Variants in SLAMF1 observed in about 807,000 individuals in gnomAD.
SLAMF1 encodes signaling lymphocytic activation molecule.
SLAMF1 carries 18 observed loss-of-function variants against 35.1 expected under a neutral mutation model. The observed-to-expected ratio is 0.51, with a 90% CI of 0.35 to 0.76. SLAMF1 has a LOEUF of 0.76. Among genes scored for constraint, SLAMF1 ranks in the 30% least tolerant of loss-of-function variants. SLAMF1 has a pLI of 0.01. For missense variants in SLAMF1, 392 were observed against 413.0 expected (o/e 0.95, Z 0.44); for synonymous variants, 168 against 157.2 (o/e 1.07, Z -0.51).
intron 6 of SLAMF1, among the ~76,000 whole-genome samples, chr1:160,611,762 A>C (rs1216955772): frequency 6.6e-6 from 1 of 152,132 alleles, no homozygotes; most frequent in Non-Finnish European, 1.5e-5. Flanking sequence ...CTTAACACCT[A>C]TGCAGATCTC....
In SLAMF1 at chr1:160,642,679, A is replaced by T. The variant is rs1317451757; in HGVS notation, c.76+4191T>A. Among the ~76,000 whole-genome samples the T allele has an allele frequency of 6.6e-6, 1 of 152,242 alleles. No homozygotes were observed. Among genetic ancestry groups the T allele is most frequent in the South Asian group, 2.1e-4 (1 of 4,834 alleles). ...TCCAAGTTCTCCTCCCTCCAAAAGCAGAATGTACTCTGATTTGCCTTTATA... is the reference window on the plus strand; with the variant it reads ...TCCAAGTTCTCCTCCCTCCAAAAGCTGAATGTACTCTGATTTGCCTTTATA... On this transcript the variant is annotated intron_variant, in intron 1 of 6. Coordinates refer to ENST00000302035, the MANE Select transcript of SLAMF1 (RefSeq NM_003037.5). The surrounding 1 kb of genome is among the most constrained non-coding windows in gnomAD (Gnocchi z 4.2).
At chr1:160,626,505 C>A (rs773680448) in intron 3 of SLAMF1, among the ~76,000 whole-genome samples, 2 of 152,162 alleles carry the variant, frequency 1.3e-5, no homozygotes, top group Non-Finnish European at 2.9e-5. Flanking sequence ...AATTTTTTTC[C>A]TCATCTTTGG....
chr1:160,613,566 G>A (rs1659116877), intron 5 of SLAMF1, among the ~76,000 whole-genome samples: 1 of 152,222 alleles, frequency 6.6e-6, no homozygotes, highest in Non-Finnish European at 1.5e-5. Context: ...TGGGGACACT[G>A]GTTATGGGAT....
rs554653346 is a variant in SLAMF1, at chr1:160,616,360, T to C, written c.864+3416A>G. Among the ~76,000 whole-genome samples the C allele has an allele frequency of 2.8e-5, 4 of 141,740 alleles. No individual in the cohort carries two copies. In the East Asian group the frequency reaches 6.2e-4, roughly 22 times the overall value. 93.0% of individuals were successfully genotyped at this position (141,740 alleles called of 152,430 possible). On this transcript the variant is annotated intron_variant, in intron 5 of 6. Transcript: ENST00000302035. ...TAGATATATTCACAAGAATGCTATATACCAGCCACTGCAGTGCCTTCTTAA... is the reference window on the plus strand; with the variant it reads ...TAGATATATTCACAAGAATGCTATACACCAGCCACTGCAGTGCCTTCTTAA...
intron 2 of SLAMF1, 31 bp from the exon 3 acceptor site, chr1:160,634,928 C>A: frequency 1.9e-6 from 3 of 1,572,932 alleles, no homozygotes; most frequent in Non-Finnish European, 2.6e-6. Flanking sequence ...GGAGCCATCA[C>A]TGAAGTGAAC....
chr1:160,614,528 G>A (rs935249885), intron 5 of SLAMF1, among the ~76,000 whole-genome samples: 4 of 151,066 alleles, frequency 2.6e-5, no homozygotes, highest in Admixed American at 1.3e-4. Flanking sequence ...GAGCTGAGAT[G>A]GCGCCACAGC....
At position 160,646,999 on chromosome 1, in the gene SLAMF1, G is replaced by A. The variant is rs562045942; in HGVS notation, c.-54C>T. The A allele has an allele frequency of 1.0e-4, 94 of 915,002 alleles. No homozygotes were observed. In the East Asian group the frequency reaches 1.0e-3, roughly 10 times the overall value. The allele number at this position is 915,002 out of a possible 1,614,324, so 56.7% of individuals were successfully genotyped here. A position where few individuals can be genotyped will look rare whatever the true frequency, so the allele number is the denominator to read the frequency against. Reference sequence around the variant, plus strand: ...GGCCGGAGCCTGGCAGCTGCTCACAGATGCCAGGCAGAAGCAAGCTTCGTG... The same window carrying A: ...GGCCGGAGCCTGGCAGCTGCTCACAAATGCCAGGCAGAAGCAAGCTTCGTG... On this transcript the variant is annotated 5_prime_UTR_variant, in exon 1 of 7. Coordinates refer to ENST00000302035, the MANE Select transcript of SLAMF1 (RefSeq NM_003037.5).
chr1:160,611,362 C>A (rs12058421), intron 6 of SLAMF1, among the ~76,000 whole-genome samples: 21,753 of 152,214 alleles, frequency 0.14, 1,660 homozygotes, highest in Non-Finnish European at 0.16. Flanking sequence ...CATTAAAAAT[C>A]TATGTATTTT....
intron 5 of SLAMF1, among the ~76,000 whole-genome samples, chr1:160,616,672 T>C (rs1659316241): frequency 6.6e-6 from 1 of 152,162 alleles, no homozygotes; most frequent in Non-Finnish European, 1.5e-5. Context: ...AAAGAAAGAC[T>C]AAACCTCAAA....
chr1:160,629,245 G>T (rs967030182), intron 3 of SLAMF1, among the ~76,000 whole-genome samples: 5 of 152,098 alleles, frequency 3.3e-5, no homozygotes, highest in Non-Finnish European at 7.3e-5. Flanking sequence ...CAAGGAAAAA[G>T]CCAGAGGGCG....
intron 1 of SLAMF1, among the ~76,000 whole-genome samples, chr1:160,643,295 A>T (rs1332790573): frequency 6.6e-6 from 1 of 151,914 alleles, no homozygotes; most frequent in Non-Finnish European, 1.5e-5. Flanking sequence ...CTGGGACTTG[A>T]CTCCAAGTTC....
At position 160,634,631 on chromosome 1, in the gene SLAMF1, A is replaced by G. The variant is rs1439225273; in HGVS notation, c.682T>C (p.Cys228Arg). ...NSQTFSPWPG[C>R]RTDPSETKPW... ...TACTCACCTGAGGGGTCTGTCCTGCATCCGGGCCACGGGCTGAAGGTCTGG... is the reference window on the plus strand; with the variant it reads ...TACTCACCTGAGGGGTCTGTCCTGCGTCCGGGCCACGGGCTGAAGGTCTGG... The change falls in exon 3 of 7, where the codon TGC becomes CGC. Residue 228 changes from cysteine to arginine, a missense_variant. Transcript: ENST00000302035. The G allele has an allele frequency of 1.9e-6, 3 of 1,609,982 alleles. No homozygotes were observed. Among genetic ancestry groups the G allele is most frequent in the African/African-American group, 1.3e-5 (1 of 74,912 alleles).
intron 1 of SLAMF1, 137 bp downstream of exon 1, chr1:160,646,733 T>C: frequency 1.6e-6 from 1 of 606,706 alleles, no homozygotes; most frequent in South Asian, 1.6e-5. Flanking sequence ...AAAGAGGCAG[T>C]TGAAACTGAC....
intron 6 of SLAMF1, among the ~76,000 whole-genome samples, chr1:160,611,808 G>C (rs1659003548): frequency 6.6e-6 from 1 of 152,182 alleles, no homozygotes; most frequent in African/African-American, 2.4e-5. Context: ...GGGCTGCACA[G>C]AGTCTAGGCA....
intron 3 of SLAMF1, among the ~76,000 whole-genome samples, chr1:160,627,618 G>A (rs1472455685): frequency 6.6e-6 from 1 of 152,134 alleles, no homozygotes; most frequent in Non-Finnish European, 1.5e-5. Flanking sequence ...GAAATCAAAT[G>A]TCAGAGACCC....
rs765758315 is a variant in SLAMF1 at position 160,610,711 on chromosome 1, A to G, written c.*37T>C. 2 of 1,571,554 alleles carry G rather than the reference A, an allele frequency of 1.3e-6. No homozygotes were observed. Among genetic ancestry groups the G allele is most frequent in the Admixed American group, 1.7e-5 (1 of 59,636 alleles). On this transcript the variant is annotated 3_prime_UTR_variant, in exon 7 of 7. Coordinates refer to ENST00000302035, the MANE Select transcript of SLAMF1 (RefSeq NM_003037.5). ...GTTCAGTGTTCATTTTGGTTTTTCC[A>G]TTTTCCTTCAGAAAGTCCCTTTGTT...
At chr1:160,640,359 T>TATATATATAC (rs1361053277) in intron 1 of SLAMF1, among the ~76,000 whole-genome samples, 465 of 122,300 alleles carry the variant, frequency 3.8e-3, no homozygotes, top group Admixed American at 0.013. Flanking sequence ...TATATATATA[T>TATATATATAC]ACACACACAC....
chr1:160,619,037 A>G lies in SLAMF1; in HGVS notation c.864+739T>C, dbSNP rs569597431. 2.6e-5 allele frequency among the ~76,000 whole-genome samples: 4 copies of G among 152,290 alleles called. No homozygotes were observed. The East Asian group carries it at 7.7e-4, about 29-fold the overall frequency. On this transcript the variant is annotated intron_variant, in intron 5 of 6. Coordinates refer to ENST00000302035, the MANE Select transcript of SLAMF1 (RefSeq NM_003037.5). Reference sequence around the variant, plus strand: ...TTTTCATGCAATTTTCTAAGGTACTATCAAAACCATCTTTACCTTCACATC... The same window carrying G: ...TTTTCATGCAATTTTCTAAGGTACTGTCAAAACCATCTTTACCTTCACATC...
Position 160,634,800 on chromosome 1 carries a change from A to G in SLAMF1, c.513T>C (p.His171=). ...ILGCTVEKGD[H]VAYSWSEKAG... is the part of the protein sequence containing the mutation. ...CCTTTTCACTCCAGCTGTAAGCCAC[A>G]TGGTCCCCCTTCTCCACTGTGCAGC... The change falls in exon 3 of 7, where the codon CAT becomes CAC. Residue 171 remains histidine (H), a synonymous_variant. Coordinates refer to ENST00000302035, the MANE Select transcript of SLAMF1 (RefSeq NM_003037.5). The G allele has an allele frequency of 6.2e-7, 1 of 1,614,152 alleles. No individual in the cohort carries two copies. Among genetic ancestry groups the G allele is most frequent in the Non-Finnish European group, 8.5e-7 (1 of 1,180,030 alleles).
Sources: allele counts gnomAD v4.1 joint callset (sites outside exome capture counted in the v4.1 genomes callset), GRCh38; gene constraint gnomAD v4.1.1; non-coding constraint Gnocchi (gnomAD v3.1); transcripts MANE v1.5; gene names NCBI Gene and HGNC (gene_info 2026-07-23, HGNC 2026-07-21).